The following NPAS3 variants were observed in gnomAD, a reference collection of about 807,000 sequenced individuals.
NPAS3 encodes neuronal PAS domain-containing protein 3.
Under a neutral mutation model 73.1 loss-of-function variants are expected in NPAS3, and 14 were observed. The observed-to-expected ratio is 0.19, with a 90% CI of 0.13 to 0.30. The LOEUF (loss-of-function observed/expected upper bound fraction) is 0.30, where lower values mean the gene tolerates loss of function less well. NPAS3 is among the 10% of genes least tolerant of loss of function. The probability of loss-of-function intolerance (pLI) is 1.00; values close to 1 mark genes in which losing one functional copy is unlikely to be tolerated. For missense variants in NPAS3, 1,096 were observed against 1,250.0 expected (o/e 0.88, Z 1.86); for synonymous variants, 620 against 541.5 (o/e 1.14, Z -2.01).
intron 3 of NPAS3, among the ~76,000 whole-genome samples, chr14:33,291,481 G>T (rs1361384988): frequency 6.6e-6 from 1 of 152,108 alleles, no homozygotes; most frequent in Non-Finnish European, 1.5e-5. Context: ...TATCATTGTG[G>T]CCTGGATTTA....
intron 3 of NPAS3, among the ~76,000 whole-genome samples, chr14:33,287,494 T>TG (rs2041925171): frequency 6.6e-6 from 1 of 152,182 alleles, no homozygotes; most frequent in African/African-American, 2.4e-5. Context: ...ACTGCCTGGC[T>TG]GACTCCACGT....
At chr14:33,559,645 T>A (rs2055537322) in intron 4 of NPAS3, among the ~76,000 whole-genome samples, 1 of 152,240 alleles carries the variant, frequency 6.6e-6, no homozygotes, top group African/African-American at 2.4e-5. Context: ...CAGTCTTAAT[T>A]CAGACATTTA....
At chr14:33,028,733 A>G (rs1288871469) in intron 1 of NPAS3, among the ~76,000 whole-genome samples, 1 of 152,174 alleles carries the variant, frequency 6.6e-6, no homozygotes, top group Admixed American at 6.5e-5. Flanking sequence ...CTTACTGGGA[A>G]AATTGAAGAA....
rs55885070 is a variant in NPAS3, at chr14:33,582,970, G to GTTTTTTTTTTTTTTTTTTTTTTTTTTTT, written c.558+22776_558+22777insTTTTTTTTTTTTTTTTTTTTTTTTTTTT. ...TCCTTTGGACCTAGATATTTAAAGG[G>GTTTTTTTTTTTTTTTTTTTTTTTTTTTT]TTTTTTTTTTTTTTTTGGCTACTGG... On this transcript the variant is annotated intron_variant, in intron 5 of 11. Coordinates refer to ENST00000356141, the Ensembl canonical transcript of NPAS3. 1.4e-4 allele frequency among the ~76,000 whole-genome samples: 13 copies of GTTTTTTTTTTTTTTTTTTTTTTTTTTTT among 93,288 alleles called. 2 individuals carry two copies. The highest frequency in any genetic ancestry group is 5.5e-4 in the African/African-American group (7 of 12,784). The allele number at this position is 93,288 out of a possible 152,430, so 61.2% of individuals were successfully genotyped here.
chr14:33,299,381 G>A (rs866537158), intron 3 of NPAS3, among the ~76,000 whole-genome samples: 4 of 152,056 alleles, frequency 2.6e-5, no homozygotes, highest in Non-Finnish European at 5.9e-5. Context: ...CTTCTGCTGG[G>A]GCTGTTAGAA....
chr14:33,609,888 G>A (rs1441600294), intron 5 of NPAS3, among the ~76,000 whole-genome samples: 1 of 152,020 alleles, frequency 6.6e-6, no homozygotes. Context: ...TGCCAGCTGT[G>A]GGGGACATTG....
chr14:33,106,500 T>A (rs1261376317), intron 2 of NPAS3, among the ~76,000 whole-genome samples: 1 of 152,134 alleles, frequency 6.6e-6, no homozygotes, highest in African/African-American at 2.4e-5. Context: ...CAGAATACAT[T>A]GATAAATTAA....
intron 9 of NPAS3, among the ~76,000 whole-genome samples, chr14:33,779,005 G>A (rs1038570808): frequency 3.3e-5 from 5 of 152,202 alleles, no homozygotes; most frequent in Admixed American, 3.3e-4. Flanking sequence ...CACAAAACTG[G>A]GGTGAGGGGA....
chr14:33,462,372 C>G (rs1017394216), intron 4 of NPAS3, among the ~76,000 whole-genome samples: 1 of 152,158 alleles, frequency 6.6e-6, no homozygotes, highest in Non-Finnish European at 1.5e-5. Context: ...AACTCTCTGC[C>G]CCTTTGAGGT....
chr14:33,195,730 A>C (rs2046329581), intron 2 of NPAS3, among the ~76,000 whole-genome samples: 1 of 152,148 alleles, frequency 6.6e-6, no homozygotes, highest in Non-Finnish European at 1.5e-5. Flanking sequence ...GTAGAGCTGA[A>C]ATTATATTAC....
At chr14:33,075,069 A>G (rs573919078) in intron 2 of NPAS3, among the ~76,000 whole-genome samples, 3 of 152,206 alleles carry the variant, frequency 2.0e-5, no homozygotes, top group Non-Finnish European at 4.4e-5. Context: ...TATCTTTTAA[A>G]TCATAAGAGT....
At chr14:33,088,806 G>A (rs374199206) in intron 2 of NPAS3, among the ~76,000 whole-genome samples, 37 of 152,258 alleles carry the variant, frequency 2.4e-4, no homozygotes, top group Admixed American at 3.9e-4. Context: ...TCACATGGCC[G>A]GTTACCCCTC....
At chr14:33,433,516 G>A (rs1460596155) in intron 4 of NPAS3, among the ~76,000 whole-genome samples, 2 of 152,128 alleles carry the variant, frequency 1.3e-5, no homozygotes, top group Non-Finnish European at 2.9e-5. Flanking sequence ...TGGCTAGCAC[G>A]TGACCAGGTA....
At chr14:33,524,626 C>G (rs1194077416) in intron 4 of NPAS3, among the ~76,000 whole-genome samples, 4 of 152,134 alleles carry the variant, frequency 2.6e-5, no homozygotes, top group Non-Finnish European at 5.9e-5. Flanking sequence ...GCCAGGGCTG[C>G]CATGACAAAG....
intron 3 of NPAS3, among the ~76,000 whole-genome samples, chr14:33,365,022 C>A (rs116601239): frequency 1.3e-5 from 2 of 150,378 alleles, no homozygotes; most frequent in African/African-American, 2.5e-5. Flanking sequence ...GGGGAGGGGA[C>A]GTGCAGTGAT....
intron 3 of NPAS3, among the ~76,000 whole-genome samples, chr14:33,293,027 C>T (rs560946614): frequency 5.9e-5 from 9 of 152,164 alleles, no homozygotes; most frequent in South Asian, 4.2e-4. Flanking sequence ...ATTTTCTTGC[C>T]GCTTGATTCC....
At chr14:33,638,875 C>G (rs372145231) in intron 5 of NPAS3, among the ~76,000 whole-genome samples, 22 of 152,292 alleles carry the variant, frequency 1.4e-4, no homozygotes, top group Admixed American at 7.2e-4. Context: ...TCCTAAATCT[C>G]GAGCAGGGAA....
At chr14:33,347,091 T>C (rs542768344) in intron 3 of NPAS3, among the ~76,000 whole-genome samples, 3 of 152,178 alleles carry the variant, frequency 2.0e-5, no homozygotes, top group Non-Finnish European at 4.4e-5. Context: ...TATCAAAATT[T>C]CAATTCTCTT....
chr14:33,081,208 C>T (rs1418613956), intron 2 of NPAS3, among the ~76,000 whole-genome samples: 1 of 152,140 alleles, frequency 6.6e-6, no homozygotes, highest in Non-Finnish European at 1.5e-5. Flanking sequence ...TACCTTAAAT[C>T]ATTGCACCAA....
Sources: allele counts gnomAD v4.1 joint callset (sites outside exome capture counted in the v4.1 genomes callset), GRCh38; gene constraint gnomAD v4.1.1; transcripts MANE v1.5; gene names NCBI Gene and HGNC (gene_info 2026-07-23, HGNC 2026-07-21).